Variants in AGFG2 observed in about 807,000 individuals in gnomAD.
AGFG2 encodes arf-GAP domain and FG repeat-containing protein 2.
AGFG2 carries 31 observed loss-of-function variants against 48.0 expected under a neutral mutation model. The observed-to-expected ratio is 0.65, with a 90% confidence interval of 0.49 to 0.87. The LOEUF (loss-of-function observed/expected upper bound fraction) is 0.87, where lower values mean the gene tolerates loss of function less well. Among genes scored for constraint, AGFG2 ranks in the 40% least tolerant of loss-of-function variants. AGFG2 has a pLI of 0.00. For synonymous variants in AGFG2, 229 were observed against 260.8 expected, an observed-to-expected ratio of 0.88 and a Z score of 1.18; for missense variants, 599 against 632.6, an observed-to-expected ratio of 0.95 and a Z score of 0.57.
intron 4 of AGFG2, 23 bp downstream of exon 4, chr7:100,553,523 A>T: frequency 6.3e-7 from 1 of 1,575,412 alleles, no homozygotes; most frequent in Admixed American, 1.9e-5. Context: ...TCTGCTCGTC[A>T]TGTTTCTTTT....
chr7:100,559,754 G>C (rs1057130256), intron 6 of AGFG2, among the ~76,000 whole-genome samples: 1 of 151,596 alleles, frequency 6.6e-6, no homozygotes, highest in Non-Finnish European at 1.5e-5. Flanking sequence ...GAAGGTCGAG[G>C]CTGCAGTGAG....
At chr7:100,559,769 G>A (rs1800825753) in intron 6 of AGFG2, among the ~76,000 whole-genome samples, 1 of 149,876 alleles carries the variant, frequency 6.7e-6, no homozygotes, top group South Asian at 2.1e-4. Context: ...AGTGAGCTGA[G>A]ATCATGCCAC....
At chr7:100,564,857 G>A (rs909086308) in intron 11 of AGFG2, 75 bp from the exon 12 acceptor site, 6 of 1,523,396 alleles carry the variant, frequency 3.9e-6, no homozygotes, top group African/African-American at 2.7e-5. Flanking sequence ...CAGGAGAAAG[G>A]ACTCCTGGCT....
Position 100,562,235 on chromosome 7 carries a change from G to A in AGFG2, c.878-24G>A. On this transcript the variant is annotated intron_variant, in intron 6 of 11. Transcript: ENST00000300176. This position sits in a 1 kb window ranked among gnomAD's most constrained non-coding sequence, Gnocchi z 5.4. ...GCCCTGTCTTACCTCAGCTCTCCCT[G>A]TTGTATTTTCCACAACTGCCCAGGG... 6.2e-7 allele frequency: 1 copy of A among 1,611,112 alleles called. No homozygotes were observed. The highest frequency in any genetic ancestry group is 1.1e-5 in the South Asian group (1 of 90,926).
intron 11 of AGFG2, among the ~76,000 whole-genome samples, chr7:100,564,581 G>A (rs1205464196): frequency 2.1e-5 from 3 of 145,716 alleles, no homozygotes; most frequent in South Asian, 2.2e-4. Context: ...TCAGCTCACC[G>A]CAACCTCTAC....
chr7:100,552,190 A>G (rs1257847823), intron 3 of AGFG2, among the ~76,000 whole-genome samples: 1 of 152,118 alleles, frequency 6.6e-6, no homozygotes, highest in African/African-American at 2.4e-5. Flanking sequence ...GGTTGCAGTC[A>G]GCTGAGATCG....
intron 1 of AGFG2, among the ~76,000 whole-genome samples, chr7:100,542,883 C>G (rs1800447197): frequency 6.6e-6 from 1 of 152,106 alleles, no homozygotes; most frequent in Admixed American, 6.6e-5. Flanking sequence ...GCGCCAGACA[C>G]TGTTTTAGGT....
In AGFG2 at chr7:100,562,260, G is replaced by C; in HGVS notation, c.879G>C (p.Gly293=). The C allele has an allele frequency of 6.2e-7, 1 of 1,613,464 alleles. No individual in the cohort carries two copies. The highest frequency in any genetic ancestry group is 8.5e-7 in the Non-Finnish European group (1 of 1,179,704). The change falls in exon 7 of 12, where the codon GGG becomes GGC. Residue 293 remains glycine, a splice_region_variant and synonymous_variant. Coordinates refer to ENST00000300176, the MANE Select transcript of AGFG2 (RefSeq NM_006076.5). This position sits in a 1 kb window ranked among gnomAD's most constrained non-coding sequence, Gnocchi z 5.4. ...GTTGTATTTTCCACAACTGCCCAGG[G>C]AGCAGCCAGGGGACTCCATTTGGTG... ...ASFQAQPTPA[G]SSQGTPFGAT...
At chr7:100,548,719 T>C in intron 1 of AGFG2, 103 bp from the exon 2 acceptor site, 1 of 800,110 alleles carries the variant, frequency 1.2e-6, no homozygotes, top group Admixed American at 2.0e-5. Context: ...GCTTAGTTTA[T>C]ATGCTATTCT....
Position 100,562,854 on chromosome 7 carries a change from C to T in AGFG2, c.1088-9C>T. The T allele has an allele frequency of 1.2e-6, 2 of 1,613,864 alleles. No homozygotes were observed. The highest frequency in any genetic ancestry group is 1.7e-6 in the Non-Finnish European group (2 of 1,179,724). On this transcript the variant is annotated splice_polypyrimidine_tract_variant and intron_variant, in intron 8 of 11. Transcript: ENST00000300176. This position sits in a 1 kb window ranked among gnomAD's most constrained non-coding sequence, Gnocchi z 5.4. ...CTCTTTCCTGCCGCTCCCCATTCCACCTGGGCAGCCTTCACTAACCCTTTC... is the reference window on the plus strand; with the variant it reads ...CTCTTTCCTGCCGCTCCCCATTCCATCTGGGCAGCCTTCACTAACCCTTTC...
rs180873866 is a variant in AGFG2, at chr7:100,561,498, G to A, written c.878-761G>A. The stretch of plus-strand genomic sequence containing the variant: ...CCCAGTGTGGTCGATAGGGTCCCAA[G>A]ATAGAGACGAGACTTTGATGTGCAG... On this transcript the variant is annotated intron_variant, in intron 6 of 11. Transcript: ENST00000300176. 3.8e-3 allele frequency among the ~76,000 whole-genome samples: 584 copies of A among 152,346 alleles called. 10 individuals carry two copies. The highest frequency in any genetic ancestry group is 6.5e-3 in the Admixed American group (100 of 15,304).
chr7:100,548,828 GCTGAA>G lies in AGFG2; in HGVS notation c.230_234del (p.Leu77ProfsTer15). On this transcript the variant is annotated frameshift_variant, in exon 2 of 12. Coordinates refer to ENST00000300176, the MANE Select transcript of AGFG2 (RefSeq NM_006076.5). LOFTEE classifies it high-confidence loss of function. Reference sequence around the variant, plus strand: ...TCCTGTTTCTCTCCCATAGGAGAGGGCTGAACCCCCCTCATCGTGTCAAGTCAATC... The same window carrying G: ...TCCTGTTTCTCTCCCATAGGAGAGGGCCCCCCTCATCGTGTCAAGTCAATC... 3.1e-6 allele frequency: 5 copies of G among 1,612,848 alleles called. No individual in the cohort carries two copies. Among genetic ancestry groups the G allele is most frequent in the Non-Finnish European group, 4.2e-6 (5 of 1,179,132 alleles).
In AGFG2 at chr7:100,539,241, C is replaced by A; in HGVS notation, c.-106C>A. Reference sequence around the variant, plus strand: ...GTCTCCTGCGGATGCCGCCCGCTCCCGAGCTTCTGTCAGGGGAGCCGGGCG... The same window carrying A: ...GTCTCCTGCGGATGCCGCCCGCTCCAGAGCTTCTGTCAGGGGAGCCGGGCG... On this transcript the variant is annotated 5_prime_UTR_variant, in exon 1 of 12. Coordinates refer to ENST00000300176, the MANE Select transcript of AGFG2 (RefSeq NM_006076.5). 2 of 1,166,398 alleles carry A rather than the reference C, an allele frequency of 1.7e-6. No homozygotes were observed. The highest frequency in any genetic ancestry group is 1.1e-6 in the Non-Finnish European group (1 of 916,872). 72.3% of individuals were successfully genotyped at this position (1,166,398 alleles called of 1,614,324 possible).
chr7:100,543,072 T>A (rs551015982), intron 1 of AGFG2, among the ~76,000 whole-genome samples: 67 of 151,332 alleles, frequency 4.4e-4, no homozygotes, highest in African/African-American at 1.5e-3. Context: ...TATTATTAAT[T>A]TTTTTTTTTG....
rs147926339 is a variant in AGFG2 at position 100,564,666 on chromosome 7, G to A, written c.1387-266G>A. 5.7e-3 allele frequency among the ~76,000 whole-genome samples: 864 copies of A among 152,146 alleles called. 5 individuals carry two copies. Among genetic ancestry groups the A allele is most frequent in the Middle Eastern group, 0.037 (11 of 294 alleles). ...CTACAGGTGTGCACCACCGCACATGGCTAATTTTTGTATTTTTAGTAGAGA... is the reference window on the plus strand; with the variant it reads ...CTACAGGTGTGCACCACCGCACATGACTAATTTTTGTATTTTTAGTAGAGA... On this transcript the variant is annotated intron_variant, in intron 11 of 11. Transcript: ENST00000300176.
chr7:100,547,218 C>T (rs1800529740), intron 1 of AGFG2, among the ~76,000 whole-genome samples: 1 of 149,040 alleles, frequency 6.7e-6, no homozygotes, highest in Admixed American at 6.8e-5. Flanking sequence ...TTCTCCCAGA[C>T]TTGGCAGGAG....
rs1800380162 is a variant in AGFG2, at chr7:100,539,503, C to T, written c.157C>T (p.Arg53Cys). 6 of 1,313,894 alleles carry T rather than the reference C, an allele frequency of 4.6e-6. No homozygotes were observed. Among genetic ancestry groups the T allele is most frequent in the Non-Finnish European group, 5.9e-6 (6 of 1,024,740 alleles). The allele number at this position is 1,313,894 out of a possible 1,614,324, so 81.4% of individuals were successfully genotyped here. A position where few individuals can be genotyped will look rare whatever the true frequency, so the allele number is the denominator to read the frequency against. The change falls in exon 1 of 12, where the codon CGC becomes TGC. Residue 53 changes from arginine to cysteine, a missense_variant. Transcript: ENST00000300176. ...GNRHCFECAQ[R>C]GVTYVDITVG... ...CCGCCACTGCTTCGAGTGCGCCCAG[C>T]GCGGGGTCACCTACGTGGATATCAC...
rs982353158 is a variant in AGFG2 at position 100,559,600 on chromosome 7, T to A, written c.878-2659T>A. Among the ~76,000 whole-genome samples, 13 of 152,200 alleles carry A rather than the reference T, an allele frequency of 8.5e-5. No homozygotes were observed. The East Asian group carries it at 2.5e-3, about 29-fold the overall frequency. ...GGGAGGCTGAGGTGGGCAGATCACCTGAGCTCAGGAGTTTGAGACCAGCCT... is the reference window on the plus strand; with the variant it reads ...GGGAGGCTGAGGTGGGCAGATCACCAGAGCTCAGGAGTTTGAGACCAGCCT... On this transcript the variant is annotated intron_variant, in intron 6 of 11. Transcript: ENST00000300176.
chr7:100,559,890 C>G (rs1487842156), intron 6 of AGFG2, among the ~76,000 whole-genome samples: 1 of 152,124 alleles, frequency 6.6e-6, no homozygotes, highest in African/African-American at 2.4e-5. Context: ...CCACCGCCTC[C>G]TTTGTGAGAA....
Sources: gnomAD v4.1 joint callset for allele counts (sites outside exome capture counted in the v4.1 genomes callset) on GRCh38, gnomAD v4.1.1 for gene constraint, Gnocchi (gnomAD v3.1) non-coding constraint, MANE v1.5 for transcripts, NCBI Gene and HGNC (gene_info 2026-07-23, HGNC 2026-07-21) for gene names.